Variants in KLF10 observed in about 807,000 individuals in gnomAD.
KLF10 encodes KLF transcription factor 10.
A neutral mutation model predicts 31.6 loss-of-function variants in KLF10; 17 were observed. The ratio of observed to expected loss-of-function variants is 0.54; its 90% confidence interval spans 0.37 to 0.81. KLF10 has a LOEUF of 0.81. Ranked by LOEUF, KLF10 falls within the 30% of genes least tolerant of loss-of-function variation. KLF10 has a pLI of 0.00. For synonymous variants in KLF10, 239 were observed against 215.1 expected, an observed-to-expected ratio of 1.11 and a Z score of -0.97; for missense variants, 525 against 598.1, an observed-to-expected ratio of 0.88 and a Z score of 1.27.
intron 1 of KLF10, 88 bp from the exon 2 acceptor site, chr8:102,652,485 T>TC: frequency 1.3e-6 from 1 of 751,540 alleles, no homozygotes; most frequent in Non-Finnish European, 2.1e-6. Flanking sequence ...TTTTTTTTTT[T>TC]TTTTTACAAC....
chr8:102,651,125 A>G (rs777540451), intron 3 of KLF10, 24 bp downstream of exon 3: 40 of 1,486,088 alleles, frequency 2.7e-5, no homozygotes, highest in Non-Finnish European at 3.5e-5. Flanking sequence ...TTTAAACACT[A>G]AAGATATAAG....
In KLF10 at chr8:102,655,695, T is replaced by G. The variant is rs1283798685; in HGVS notation, c.-94A>C. 2 of 1,420,222 alleles carry G rather than the reference T, an allele frequency of 1.4e-6. No homozygotes were observed. The highest frequency in any genetic ancestry group is 2.8e-5 in the African/African-American group (2 of 70,444). 88.0% of individuals were successfully genotyped at this position (1,420,222 alleles called of 1,614,324 possible). ...GGCGCACGGAGACACTCGACGCCGC[T>G]CCCGCCGCCGCCGCGCTCAGCGCCG... On this transcript the variant is annotated 5_prime_UTR_variant, in exon 1 of 4. Coordinates refer to ENST00000285407, the MANE Select transcript of KLF10 (RefSeq NM_005655.4).
At position 102,651,771 on chromosome 8, in the gene KLF10, T is replaced by A. The variant is rs756525066; in HGVS notation, c.561A>T (p.Arg187Ser). The change falls in exon 3 of 4, where the codon AGA becomes AGT. Residue 187 changes from arginine to serine, a missense_variant. Coordinates refer to ENST00000285407, the MANE Select transcript of KLF10 (RefSeq NM_005655.4). The stretch of plus-strand genomic sequence containing the variant: ...CAGCCTCAACATTTAGGTGGGTTCT[T>A]CTTCTAAAAGAATTGTTCTGATAGT... ...ILNYQNNSFR[R>S]RTHLNVEAAR... is the part of the protein sequence containing the mutation. 49 of 1,614,146 alleles carry A rather than the reference T, an allele frequency of 3.0e-5. No homozygotes were observed. In the Admixed American group the frequency reaches 8.2e-4, roughly 27 times the overall value.
chr8:102,652,966 G>T (rs1396387422), intron 1 of KLF10, among the ~76,000 whole-genome samples: 1 of 152,074 alleles, frequency 6.6e-6, no homozygotes, highest in East Asian at 1.9e-4. Flanking sequence ...TAGAGCTCTG[G>T]CCTGTTGTTA....
Position 102,650,266 on chromosome 8 carries a change from G to A in KLF10, c.1309C>T (p.Arg437Trp). 1.2e-6 allele frequency: 2 copies of A among 1,614,176 alleles called. No individual in the cohort carries two copies. The highest frequency in any genetic ancestry group is 1.1e-5 in the South Asian group (1 of 91,086). Reference sequence around the variant, plus strand: ...GTCAAATGGTCACTCCTCATGAACCGCCGGTCACACATGGGGCACGCAAAT... The same window carrying A: ...GTCAAATGGTCACTCCTCATGAACCACCGGTCACACATGGGGCACGCAAAT... Reference protein sequence around the residue: ...KKFACPMCDRRFMRSDHLTKH... With the variant: ...KKFACPMCDRWFMRSDHLTKH... The change falls in exon 4 of 4, where the codon CGG becomes TGG. Residue 437 changes from arginine (R) to tryptophan (W), a missense_variant. Around this residue, in one of 3 missense-constraint regions of KLF10, gnomAD observed 49 missense variants for 105.0 expected, o/e 0.47. Transcript: ENST00000285407.
chr8:102,654,946 G>C (rs1359680949), intron 1 of KLF10, among the ~76,000 whole-genome samples: 2 of 151,836 alleles, frequency 1.3e-5, no homozygotes, highest in Non-Finnish European at 2.9e-5. Flanking sequence ...GCGGGCCCTC[G>C]TGTCATCCCC....
Position 102,649,970 on chromosome 8 carries a change from C to T in KLF10, c.*162G>A. ...TCTGTGACCTGCCTGTGGCCGAAGC[C>T]CTTTTAGTCACCTAACCCAGGCGGG... is the stretch of plus-strand genomic sequence containing the variant. On this transcript the variant is annotated 3_prime_UTR_variant, in exon 4 of 4. Transcript: ENST00000285407. 2.5e-6 allele frequency: 2 copies of T among 803,840 alleles called. No individual in the cohort carries two copies. Among genetic ancestry groups the T allele is most frequent in the Non-Finnish European group, 3.9e-6 (2 of 519,010 alleles). The allele number at this position is 803,840 out of a possible 1,614,324, so 49.8% of individuals were successfully genotyped here.
intron 1 of KLF10, 28 bp from the exon 2 acceptor site, chr8:102,652,425 A>G (rs1373267854): frequency 2.1e-6 from 3 of 1,402,986 alleles, no homozygotes; most frequent in African/African-American, 1.4e-5. Context: ...GAAAGCTTAT[A>G]AGCATATTTT....
chr8:102,650,536 T>C (rs1827181672), intron 3 of KLF10, 145 bp from the exon 4 acceptor site: 1 of 888,026 alleles, frequency 1.1e-6, no homozygotes, highest in Non-Finnish European at 1.7e-6. Context: ...AGATATGTAT[T>C]GCTCCAATTT....
rs1459284433 is a variant in KLF10 at position 102,653,731 on chromosome 8, C to G, written c.37-1334G>C. The G allele has an allele frequency of 3.0e-5, 35 of 1,177,104 alleles. No individual in the cohort carries two copies. In the East Asian group the frequency reaches 1.3e-3, roughly 42 times the overall value. 72.9% of individuals were successfully genotyped at this position (1,177,104 alleles called of 1,614,324 possible). A position where few individuals can be genotyped will look rare whatever the true frequency, so the allele number is the denominator to read the frequency against. On this transcript the variant is annotated intron_variant, in intron 1 of 3. Coordinates refer to ENST00000285407, the MANE Select transcript of KLF10 (RefSeq NM_005655.4). Reference sequence around the variant, plus strand: ...ACAGCGCGCGTGTGTGTAACAGCCCCAAGACGCCAATGCAAAAAAAGGAAA... The same window carrying G: ...ACAGCGCGCGTGTGTGTAACAGCCCGAAGACGCCAATGCAAAAAAAGGAAA...
At chr8:102,650,832 T>G (rs1827190925) in intron 3 of KLF10, among the ~76,000 whole-genome samples, 1 of 152,156 alleles carries the variant, frequency 6.6e-6, no homozygotes, top group African/African-American at 2.4e-5. Context: ...TTTGAGAGAC[T>G]GAAACAAAAG....
intron 2 of KLF10, 49 bp downstream of exon 2, chr8:102,652,115 T>G (rs759182538): frequency 3.5e-5 from 51 of 1,477,822 alleles, no homozygotes; most frequent in Non-Finnish European, 4.6e-5. Flanking sequence ...TTATATAAAT[T>G]TTAAGAAATT....
intron 1 of KLF10, chr8:102,653,937 C>CGACGGATGG (rs1436486555): frequency 1.0e-6 from 1 of 987,070 alleles, no homozygotes; most frequent in African/African-American, 1.8e-5. Context: ...TGGCGGAGAC[C>CGACGGATGG]GACGGATGGG....
At position 102,650,171 on chromosome 8, in the gene KLF10, A is replaced by C. The variant is rs2131077374; in HGVS notation, c.1404T>G (p.Asn468Lys). 6.2e-7 allele frequency: 1 copy of C among 1,614,230 alleles called. No homozygotes were observed. The highest frequency in any genetic ancestry group is 2.2e-5 in the East Asian group (1 of 44,882). Residue 468 changes from asparagine (N) to lysine (K), a missense_variant, in exon 4 of 4, where the codon AAT (asparagine) becomes AAG (lysine). Asn to Lys is a moderately conservative substitution (Grantham distance 94, BLOSUM62 0). Transcript: ENST00000285407. ...PNWQMEVSKL[N>K]DIALPPTPAP... is the part of the protein sequence containing the mutation. ...CAGGGGTTGGAGGTAGAGCAATGTC[A>C]TTTAGCTTGCTCACTTCCATCTGCC... is the stretch of plus-strand genomic sequence containing the variant.
In KLF10 at chr8:102,655,638, C is replaced by T; in HGVS notation, c.-37G>A. Reference sequence around the variant, plus strand: ...TGGCCGCCGGCGGCAAGCTGACTGGCTGCTAGGCTGCTGGCTGCTTGGCCA... The same window carrying T: ...TGGCCGCCGGCGGCAAGCTGACTGGTTGCTAGGCTGCTGGCTGCTTGGCCA... On this transcript the variant is annotated 5_prime_UTR_variant, in exon 1 of 4. Coordinates refer to ENST00000285407, the MANE Select transcript of KLF10 (RefSeq NM_005655.4). 6.2e-7 allele frequency: 1 copy of T among 1,611,748 alleles called. No homozygotes were observed. The highest frequency in any genetic ancestry group is 8.5e-7 in the Non-Finnish European group (1 of 1,178,814).
In KLF10 at chr8:102,651,486, G is replaced by A; in HGVS notation, c.846C>T (p.Asn282=). Residue 282 remains asparagine (N), a synonymous_variant, in exon 3 of 4, where the codon AAC becomes AAT. Transcript: ENST00000285407. Reference sequence around the variant, plus strand: ...GAACGACTGTTGTCACAACAGGGTTGTTGGCAGGAAGGGGAACCATCTGGC... The same window carrying A: ...GAACGACTGTTGTCACAACAGGGTTATTGGCAGGAAGGGGAACCATCTGGC... ...VICQMVPLPA[N]NPVVTTVVPS... is the part of the protein sequence containing the mutation. The A allele has an allele frequency of 6.2e-7, 1 of 1,613,974 alleles. No homozygotes were observed.
At position 102,651,402 on chromosome 8, in the gene KLF10, T is replaced by A. The variant is rs765248250; in HGVS notation, c.930A>T (p.Thr310=). 1 of 1,610,796 alleles carries A rather than the reference T, an allele frequency of 6.2e-7. No homozygotes were observed. The highest frequency in any genetic ancestry group is 1.7e-5 in the Admixed American group (1 of 59,756). The part of the protein sequence containing the change: ...AVCPPVVFMG[T]QVPKGAVMFV... ...ACATGACAGCGCCTTTGGGGACTTG[T>A]GTGCCCATGAACACAACAGGGGGGC... Residue 310 remains threonine, a synonymous_variant, in exon 3 of 4, where the codon ACA becomes ACT. Coordinates refer to ENST00000285407, the MANE Select transcript of KLF10 (RefSeq NM_005655.4).
Position 102,655,575 on chromosome 8 carries a change from C to T in KLF10, c.27G>A (p.Gln9=), listed in dbSNP as rs1587836994. The part of the protein sequence containing the change: MLNFGASL[Q]QTAEERMEMI... ...TCCCCAAATGACTTACCGCAGTCTGCTGGAGAGAGGCACCGAAGTTGAGCA... is the reference window on the plus strand; with the variant it reads ...TCCCCAAATGACTTACCGCAGTCTGTTGGAGAGAGGCACCGAAGTTGAGCA... Residue 9 remains glutamine, a synonymous_variant, in exon 1 of 4, where the codon CAG becomes CAA. Coordinates refer to ENST00000285407, the MANE Select transcript of KLF10 (RefSeq NM_005655.4). The T allele has an allele frequency of 6.2e-7, 1 of 1,614,176 alleles. No homozygotes were observed. The highest frequency in any genetic ancestry group is 2.2e-5 in the East Asian group (1 of 44,882).
chr8:102,653,493 A>C (rs1827266916), intron 1 of KLF10: 4 of 1,547,920 alleles, frequency 2.6e-6, no homozygotes, highest in Non-Finnish European at 3.5e-6. Context: ...TTCCATTAAA[A>C]GAAAACTGTC....
Sources: gnomAD v4.1 joint callset for allele counts (sites outside exome capture counted in the v4.1 genomes callset) on GRCh38, gnomAD v4.1.1 for gene constraint, gnomAD v4.1.1 regional missense constraint, MANE v1.5 for transcripts, NCBI Gene and HGNC (gene_info 2026-07-23, HGNC 2026-07-21) for gene names.